NAALADL2: variants seen among roughly 807,000 people sequenced by gnomAD.
NAALADL2 encodes inactive N-acetylated-alpha-linked acidic dipeptidase-like protein 2.
A neutral mutation model predicts 87.2 loss-of-function variants in NAALADL2; 76 were observed. The observed-to-expected ratio is 0.87, with a 90% CI of 0.72 to 1.05. NAALADL2 has a LOEUF of 1.05. NAALADL2 is among the 50% of genes least tolerant of loss of function. NAALADL2 has a pLI of 0.00. For synonymous variants in NAALADL2, 354 were observed against 331.0 expected (o/e 1.07, Z -0.75); for missense variants, 1,089 against 945.8 (o/e 1.15, Z -1.99).
chr3:175,058,356 A>G (rs970381830), intron 1 of NAALADL2, among the ~76,000 whole-genome samples: 5 of 152,172 alleles, frequency 3.3e-5, no homozygotes, highest in Non-Finnish European at 7.4e-5. Flanking sequence ...TCAAATATTT[A>G]TTGGTTATTC....
Position 175,096,912 on chromosome 3 carries a change from C to A in NAALADL2, c.166C>A (p.Leu56Ile). 2 of 1,613,432 alleles carry A rather than the reference C, an allele frequency of 1.2e-6. No homozygotes were observed. Among genetic ancestry groups the A allele is most frequent in the Non-Finnish European group, 1.7e-6 (2 of 1,179,666 alleles). ...LDLEWDMEKE[L>I]EESGFDQFQL... ...CTTAGAGTGGGACATGGAGAAGGAACTAGAGGAGTCTGGTTTTGACCAATT... is the reference window on the plus strand; with the variant it reads ...CTTAGAGTGGGACATGGAGAAGGAAATAGAGGAGTCTGGTTTTGACCAATT... Residue 56 changes from leucine (L) to isoleucine (I), a missense_variant, in exon 2 of 14, where the codon CTA becomes ATA. Transcript: ENST00000454872.
intron 2 of NAALADL2, among the ~76,000 whole-genome samples, chr3:175,136,679 G>A (rs1164452586): frequency 2.0e-5 from 3 of 151,912 alleles, no homozygotes; most frequent in African/African-American, 7.3e-5. Flanking sequence ...AGTAATGAGG[G>A]TGTTCTTCAA....
At chr3:174,925,115 T>G (rs1735802374) in intron 1 of NAALADL2, among the ~76,000 whole-genome samples, 2 of 152,204 alleles carry the variant, frequency 1.3e-5, no homozygotes, top group East Asian at 3.9e-4. Context: ...TTGCCATTGC[T>G]CTTGGTGTTT....
intron 9 of NAALADL2, among the ~76,000 whole-genome samples, chr3:175,524,366 T>C (rs1733097476): frequency 6.6e-6 from 1 of 152,192 alleles, no homozygotes; most frequent in South Asian, 2.1e-4. Context: ...TGAATAATGA[T>C]CTTATTCTGG....
chr3:175,366,567 G>A (rs1235488455), intron 5 of NAALADL2, among the ~76,000 whole-genome samples: 1 of 151,776 alleles, frequency 6.6e-6, no homozygotes, highest in Non-Finnish European at 1.5e-5. Context: ...GGTGTGAGAT[G>A]GTATCCCATT....
chr3:175,283,041 A>G (rs1044912757), intron 4 of NAALADL2, among the ~76,000 whole-genome samples: 3 of 152,010 alleles, frequency 2.0e-5, no homozygotes, highest in African/African-American at 7.2e-5. Flanking sequence ...TGAAAAAATC[A>G]GGACCATATA....
chr3:174,916,624 AAAT>A (rs140766944), intron 1 of NAALADL2, among the ~76,000 whole-genome samples: 33,132 of 151,892 alleles, frequency 0.22, 3,782 homozygotes, highest in East Asian at 0.34. Context: ...ATGGAAAACC[AAAT>A]ATTATATGTC....
chr3:174,731,503 T>C (rs915110210), intron 2 of NAALADL2, among the ~76,000 whole-genome samples: 1 of 152,152 alleles, frequency 6.6e-6, no homozygotes, highest in African/African-American at 2.4e-5. Flanking sequence ...ATAATTAATA[T>C]ATTTTCATAA....
intron 1 of NAALADL2, among the ~76,000 whole-genome samples, chr3:174,974,843 G>C (rs1034653927): frequency 2.0e-5 from 3 of 152,046 alleles, no homozygotes; most frequent in Admixed American, 2.0e-4. Context: ...AAGTATATTG[G>C]CATTATTTTT....
intron 1 of NAALADL2, among the ~76,000 whole-genome samples, chr3:174,997,089 G>T (rs1747600191): frequency 6.7e-6 from 1 of 149,566 alleles, no homozygotes; most frequent in African/African-American, 2.5e-5. Flanking sequence ...GTTGGTCCAT[G>T]AGCACTTAGA....
In NAALADL2 at chr3:175,804,915, A is replaced by G. The variant is rs1394055969; in HGVS notation, c.*1712A>G. On this transcript the variant is annotated 3_prime_UTR_variant, in exon 14 of 14. Transcript: ENST00000454872. ...CACATATTTTTAGATGAAAAATGAAACTACCTTACAATATTATTTTTTTAA... is the reference window on the plus strand; with the variant it reads ...CACATATTTTTAGATGAAAAATGAAGCTACCTTACAATATTATTTTTTTAA... 1 of 151,952 alleles carries G rather than the reference A, an allele frequency of 6.6e-6. No individual in the cohort carries two copies. The highest frequency in any genetic ancestry group is 2.4e-5 in the African/African-American group (1 of 41,426). The allele number at this position is 151,952 out of a possible 1,614,324, so 9.4% of individuals were successfully genotyped here. A position where few individuals can be genotyped will look rare whatever the true frequency, so the allele number is the denominator to read the frequency against.
intron 2 of NAALADL2, among the ~76,000 whole-genome samples, chr3:175,186,186 A>G (rs1217958703): frequency 6.6e-6 from 1 of 152,102 alleles, no homozygotes; most frequent in Admixed American, 6.6e-5. Context: ...GGGAACTAAA[A>G]GGAAGAAAAT....
At chr3:175,407,666 G>A (rs1712649094) in intron 5 of NAALADL2, among the ~76,000 whole-genome samples, 1 of 152,186 alleles carries the variant, frequency 6.6e-6, no homozygotes, top group Admixed American at 6.5e-5. Context: ...CAGTCCACTG[G>A]CTTCGGACTG....
At chr3:175,309,598 A>G (rs1758117170) in intron 4 of NAALADL2, among the ~76,000 whole-genome samples, 1 of 151,898 alleles carries the variant, frequency 6.6e-6, no homozygotes, top group Non-Finnish European at 1.5e-5. Context: ...TTTGTTTTTC[A>G]GGATAACTGT....
At chr3:174,691,054 C>A (rs1176534975) in intron 2 of NAALADL2, among the ~76,000 whole-genome samples, 4 of 152,106 alleles carry the variant, frequency 2.6e-5, no homozygotes, top group African/African-American at 7.2e-5. Flanking sequence ...GCTATATACC[C>A]ATCTACTGAC....
At position 175,234,061 on chromosome 3, in the gene NAALADL2, C is replaced by G. The variant is rs549128929; in HGVS notation, c.676C>G (p.Pro226Ala). The G allele has an allele frequency of 1.1e-5, 18 of 1,613,822 alleles. No homozygotes were observed. In the African/African-American group the frequency reaches 2.0e-4, roughly 18 times the overall value. ...CTCTGTGCTGCTTGATCTGCCAGGC[C>G]CTTCTCCCAGCACTGTGACTCTGAG... ...NYSVLLDLPG[P>A]SPSTVTLSSS... The change falls in exon 3 of 14, where the codon CCT becomes GCT. Residue 226 changes from proline (P) to alanine (A), a missense_variant. Pro to Ala is a conservative substitution (Grantham distance 27). Coordinates refer to ENST00000454872, the MANE Select transcript of NAALADL2 (RefSeq NM_207015.3).
chr3:175,080,110 C>T (rs142784530), intron 1 of NAALADL2, among the ~76,000 whole-genome samples: 4,042 of 152,136 alleles, frequency 0.027, 197 homozygotes, highest in African/African-American at 0.092. Flanking sequence ...GGACTACAGG[C>T]GCCCGCCACG....
At chr3:174,612,348 A>C (rs898464277) in intron 2 of NAALADL2, among the ~76,000 whole-genome samples, 1 of 152,114 alleles carries the variant, frequency 6.6e-6, no homozygotes, top group East Asian at 1.9e-4. Flanking sequence ...TTGGGAAATT[A>C]TCTGTTATTA....
intron 1 of NAALADL2, among the ~76,000 whole-genome samples, chr3:174,949,235 T>C (rs1739954277): frequency 6.6e-6 from 1 of 152,148 alleles, no homozygotes; most frequent in Admixed American, 6.5e-5. Context: ...CTCTTACCCA[T>C]AGCCCTTCAA....
Sources: allele counts gnomAD v4.1 joint callset (sites outside exome capture counted in the v4.1 genomes callset), GRCh38; gene constraint gnomAD v4.1.1; transcripts MANE v1.5; gene names NCBI Gene and HGNC (gene_info 2026-07-23, HGNC 2026-07-21).